ZPBP: variants seen among roughly 807,000 people sequenced by gnomAD.
ZPBP encodes the protein zona pellucida-binding protein 1.
ZPBP carries 26 observed loss-of-function variants against 44.8 expected under a neutral mutation model. That is an observed-to-expected ratio of 0.58 (90% CI 0.43 to 0.81). The LOEUF (loss-of-function observed/expected upper bound fraction) is 0.81, where lower values mean the gene tolerates loss of function less well. Ranked by LOEUF, ZPBP falls within the 30% of genes least tolerant of loss-of-function variation. The pLI is 0.00. For synonymous variants in ZPBP, 174 were observed against 153.2 expected (o/e 1.14, Z -1.00); for missense variants, 409 against 434.0 (o/e 0.94, Z 0.51).
At chr7:49,901,697 T>A (rs1212849053) in intron 1 of ZPBP, among the ~76,000 whole-genome samples, 2 of 151,800 alleles carry the variant, frequency 1.3e-5, no homozygotes, top group Non-Finnish European at 3.0e-5. Context: ...CGGATCCTGT[T>A]TTATCTGGAG....
chr7:49,881,416 A>T (rs6977361), intron 2 of ZPBP, among the ~76,000 whole-genome samples: 1 of 151,956 alleles, frequency 6.6e-6, no homozygotes, highest in East Asian at 1.9e-4. Flanking sequence ...TGAATGATTT[A>T]ATAGAAAGTT....
At chr7:50,076,093 T>C (rs1452367563) in intron 3 of ZPBP, among the ~76,000 whole-genome samples, 1 of 151,798 alleles carries the variant, frequency 6.6e-6, no homozygotes. Flanking sequence ...GCGAGGATGG[T>C]TCCAATATAC....
rs538073021 is a variant in ZPBP at position 49,962,599 on chromosome 7, T to A, written c.961+20743A>T. Among the ~76,000 whole-genome samples, 12 of 151,980 alleles carry A rather than the reference T, an allele frequency of 7.9e-5. 1 individual carries two copies. The South Asian group carries it at 2.5e-3, about 32-fold the overall frequency. ...AGATTAGCATGCCCACTCTTAACAC[T>A]TCTGTTTAAAGTTTTCTAAATACAA... On this transcript the variant is annotated intron_variant, in intron 7 of 7. Coordinates refer to ENST00000046087, the MANE Select transcript of ZPBP (RefSeq NM_007009.3).
At chr7:50,061,797 G>A (rs913736457) in intron 3 of ZPBP, among the ~76,000 whole-genome samples, 2 of 152,168 alleles carry the variant, frequency 1.3e-5, no homozygotes, top group Non-Finnish European at 2.9e-5. Context: ...AGGAAGCTGA[G>A]GCATGAGAAT....
intron 2 of ZPBP, among the ~76,000 whole-genome samples, chr7:49,871,981 A>G: frequency 7.4e-6 from 1 of 134,874 alleles, no homozygotes. Flanking sequence ...GGAGGGAGGG[A>G]GGGTAGGAAG....
At chr7:50,056,470 C>T (rs987033786) in intron 4 of ZPBP, 2 of 152,172 alleles carry the variant, frequency 1.3e-5, no homozygotes, top group Non-Finnish European at 2.9e-5. Context: ...GGATAATCTC[C>T]TCATCTCAAG....
intron 1 of ZPBP, chr7:49,913,326 G>C (rs1030600842): frequency 2.6e-5 from 4 of 152,152 alleles, no homozygotes; most frequent in Non-Finnish European, 5.9e-5. Context: ...CATTTGAACA[G>C]AGAACATAAA....
chr7:49,921,248 G>A (rs1011210439), intron 1 of ZPBP: 9 of 152,220 alleles, frequency 5.9e-5, no homozygotes, highest in Non-Finnish European at 1.3e-4. Context: ...GCTGGAGGAT[G>A]GGTCTGGTTT....
At chr7:50,074,545 C>G (rs950726435) in intron 3 of ZPBP, among the ~76,000 whole-genome samples, 4 of 151,844 alleles carry the variant, frequency 2.6e-5, no homozygotes. Flanking sequence ...TATAAAGATA[C>G]ACATAGGCTG....
At chr7:50,018,432 C>A in intron 5 of ZPBP, 116 bp from the exon 6 acceptor site, 1 of 898,942 alleles carries the variant, frequency 1.1e-6, no homozygotes, top group Non-Finnish European at 1.7e-6. Context: ...AAATATTAAG[C>A]AATTTTCCTA....
intron 7 of ZPBP, among the ~76,000 whole-genome samples, chr7:49,969,816 T>TAGAGAG (rs1427465534): frequency 7.3e-6 from 1 of 136,126 alleles, no homozygotes; most frequent in East Asian, 2.0e-4. Flanking sequence ...TATATATATA[T>TAGAGAG]ATAGAGAGAG....
intron 2 of ZPBP, among the ~76,000 whole-genome samples, chr7:50,086,008 G>A (rs569639713): frequency 6.6e-6 from 1 of 152,120 alleles, no homozygotes; most frequent in Non-Finnish European, 1.5e-5. Context: ...TATCTGAAAG[G>A]TACGTCACAA....
At chr7:50,017,921 GATGGACAATGGTAAC>G (rs1352509225) in intron 6 of ZPBP, among the ~76,000 whole-genome samples, 1 of 152,036 alleles carries the variant, frequency 6.6e-6, no homozygotes, top group Non-Finnish European at 1.5e-5. Flanking sequence ...TGTTATTTAT[GATGGACAATGGTAAC>G]ATGGACAATA....
At chr7:49,980,040 A>AT (rs1491299405) in intron 7 of ZPBP, among the ~76,000 whole-genome samples, 5 of 10,664 alleles carry the variant, frequency 4.7e-4, no homozygotes, top group African/African-American at 1.3e-3. Flanking sequence ...TTATATTATA[A>AT]TATATATAAT....
At chr7:49,877,000 A>T (rs776790664) in intron 2 of ZPBP, among the ~76,000 whole-genome samples, 7 of 152,020 alleles carry the variant, frequency 4.6e-5, no homozygotes, top group Admixed American at 2.0e-4. Context: ...ATTCCTTAGG[A>T]CAGTCTTGGG....
At chr7:50,037,847 C>T (rs187688967) in intron 4 of ZPBP, among the ~76,000 whole-genome samples, 4 of 152,256 alleles carry the variant, frequency 2.6e-5, no homozygotes, top group Admixed American at 2.6e-4. Context: ...TCTTTCCCCA[C>T]CCAGCTTTCA....
chr7:50,033,459 T>TA (rs901740363), intron 4 of ZPBP, among the ~76,000 whole-genome samples: 23 of 152,012 alleles, frequency 1.5e-4, no homozygotes, highest in African/African-American at 5.3e-4. Context: ...TTGTGGTAAG[T>TA]AAAAAAATAT....
chr7:49,966,573 C>T lies in ZPBP; in HGVS notation c.961+16769G>A, dbSNP rs539374513. On this transcript the variant is annotated intron_variant, in intron 7 of 7. Coordinates refer to ENST00000046087, the MANE Select transcript of ZPBP (RefSeq NM_007009.3). The stretch of plus-strand genomic sequence containing the variant: ...CCCCCAAAAATCTGGAAATTAAATG[C>T]CACTCTTCTAAACAACCAAATGCTC... Among the ~76,000 whole-genome samples, 94 of 152,210 alleles carry T rather than the reference C, an allele frequency of 6.2e-4. 2 individuals carry two copies. The South Asian group carries it at 0.019, about 30-fold the overall frequency.
At chr7:49,890,662 G>A (rs886541817) in intron 2 of ZPBP, among the ~76,000 whole-genome samples, 2 of 151,578 alleles carry the variant, frequency 1.3e-5, no homozygotes, top group African/African-American at 2.4e-5. Flanking sequence ...GGGTGCATGA[G>A]AGTAACTCCC....
Sources: allele counts gnomAD v4.1 joint callset (sites outside exome capture counted in the v4.1 genomes callset), GRCh38; gene constraint gnomAD v4.1.1; transcripts MANE v1.5; gene names NCBI Gene and HGNC (gene_info 2026-07-23, HGNC 2026-07-21).